The following SLC22A31 variants were observed in gnomAD, a reference collection of about 807,000 sequenced individuals.
SLC22A31 encodes the protein putative solute carrier family 22 member 31.
SLC22A31 carries 42 observed loss-of-function variants against 27.4 expected under a neutral mutation model. The observed-to-expected ratio is 1.53, with a 90% CI of 1.20 to 1.98. SLC22A31 has a LOEUF of 1.98. SLC22A31 is among the 30% of genes most tolerant of loss of function. The pLI is 0.00. For synonymous variants in SLC22A31, 290 were observed against 230.8 expected (o/e 1.26, Z -2.33); for missense variants, 593 against 479.9 (o/e 1.24, Z -2.20).
Position 89,197,046 on chromosome 16 carries a change from T to C in SLC22A31, c.1034+252A>G, listed in dbSNP as rs7188277. Among the ~76,000 whole-genome samples the C allele has an allele frequency of 0.18, 27,034 of 151,586 alleles. 2,828 individuals are homozygous for C. Among genetic ancestry groups the C allele is most frequent in the East Asian group, 0.53 (2,707 of 5,150 alleles). On this transcript the variant is annotated intron_variant, in intron 8 of 8. Transcript: ENST00000682282. ...CCTCATCTCTGCCCCCACCCCGCAC[T>C]CCTGGCTTCAGGCCTGCGTGGCCTT... is the stretch of plus-strand genomic sequence containing the variant.
In SLC22A31 at chr16:89,199,076, A is replaced by C; in HGVS notation, c.399T>G (p.Arg133=). The change falls in exon 4 of 9, where the codon CGT becomes CGG. Residue 133 remains arginine, a synonymous_variant. Coordinates refer to ENST00000682282, the MANE Select transcript of SLC22A31 (RefSeq NM_001384763.1). ...TCAGGGCACCCAGCCCCTGCAGAAG[A>C]CGCCAGTCCTGCACAAGCGCAGCCA... ...PGLAALVQDW[R]LLQGLGALMS... The C allele has an allele frequency of 1.3e-6, 2 of 1,535,602 alleles. No individual in the cohort carries two copies. The highest frequency in any genetic ancestry group is 8.7e-7 in the Non-Finnish European group (1 of 1,146,704).
Position 89,195,925 on chromosome 16 carries a change from A to G in SLC22A31, c.*74T>C, listed in dbSNP as rs1298211782. 1.4e-6 allele frequency: 2 copies of G among 1,404,258 alleles called. No homozygotes were observed. The highest frequency in any genetic ancestry group is 9.3e-7 in the Non-Finnish European group (1 of 1,071,152). 87.0% of individuals were successfully genotyped at this position (1,404,258 alleles called of 1,614,324 possible). ...GAGGAATGTGTCTGCCCTGGACCAG[A>G]CGTCTGGGGTACTCAGCCATGCCCC... On this transcript the variant is annotated 3_prime_UTR_variant, in exon 9 of 9. Transcript: ENST00000682282.
chr16:89,197,455 C>T (rs1916065002), intron 7 of SLC22A31, 46 bp from the exon 8 acceptor site: 1 of 1,361,126 alleles, frequency 7.3e-7, no homozygotes, highest in Non-Finnish European at 1.0e-6. Flanking sequence ...CCCAGGCCTT[C>T]CACCCTGGCC....
In SLC22A31 at chr16:89,198,289, G is replaced by A; in HGVS notation, c.755C>T (p.Pro252Leu). The A allele has an allele frequency of 2.6e-6, 4 of 1,535,956 alleles. No individual in the cohort carries two copies. The highest frequency in any genetic ancestry group is 1.2e-5 in the South Asian group (1 of 84,068). The change falls in exon 7 of 9, where the codon CCT (proline) becomes CTT (leucine). Residue 252 changes from proline to leucine, a missense_variant. Pro to Leu is a moderately conservative substitution (Grantham distance 98, BLOSUM62 -3). Transcript: ENST00000682282. ...GGGCAGGTAGAAGGTCGGCACCTGA[G>A]GTGCCAGGCTGCGGCGGAAGCTAGC... ...IRASFRRSLA[P>L]QVPTFYLPYF...
chr16:89,196,524 A>G, intron 8 of SLC22A31: 1 of 777,926 alleles, frequency 1.3e-6, no homozygotes, highest in Non-Finnish European at 2.0e-6. Flanking sequence ...GGGGACACAC[A>G]TGTGACTCCA....
Position 89,198,313 on chromosome 16 carries a change from GCTCTGATGC to G in SLC22A31, c.722_730del (p.Gly241_Arg243del). On this transcript the variant is annotated inframe_deletion, in exon 7 of 9. Coordinates refer to ENST00000682282, the MANE Select transcript of SLC22A31 (RefSeq NM_001384763.1). ...AGGTGCCAGGCTGCGGCGGAAGCTAGCTCTGATGCCTCCACCAACCAGCCTGGGAGAGAG... is the reference window on the plus strand; with the variant it reads ...AGGTGCCAGGCTGCGGCGGAAGCTAGCTCCACCAACCAGCCTGGGAGAGAG... 11 of 1,535,924 alleles carry G rather than the reference GCTCTGATGC, an allele frequency of 7.2e-6. No homozygotes were observed. Among genetic ancestry groups the G allele is most frequent in the Non-Finnish European group, 9.6e-6 (11 of 1,146,892 alleles).
At chr16:89,196,811 T>C (rs1379039374) in intron 8 of SLC22A31, among the ~76,000 whole-genome samples, 1 of 151,704 alleles carries the variant, frequency 6.6e-6, no homozygotes, top group Non-Finnish European at 1.5e-5. Context: ...TTGTGCGTGG[T>C]GGTGGGTGCC....
intron 5 of SLC22A31, 34 bp downstream of exon 5, chr16:89,198,618 C>T (rs1467808024): frequency 2.0e-6 from 3 of 1,528,976 alleles, no homozygotes; most frequent in East Asian, 4.9e-5. Flanking sequence ...TCCTCCAGTA[C>T]CTGAATCTCC....
rs747236324 is a variant in SLC22A31 at position 89,197,329 on chromosome 16, A to AGAGGCTGCTGAGTGCGGAC, written c.984_1002dup (p.Phe335ValfsTer69). 5 of 1,535,836 alleles carry AGAGGCTGCTGAGTGCGGAC rather than the reference A, an allele frequency of 3.3e-6. No homozygotes were observed. The South Asian group carries it at 5.9e-5, about 18-fold the overall frequency. The stretch of plus-strand genomic sequence containing the variant: ...ACCGTGGGGAAGACCTCGGCCGCGA[A>AGAGGCTGCTGAGTGCGGAC]GAGGCTGCTGAGTGCGGACACAGCC... On this transcript the variant is annotated frameshift_variant, in exon 8 of 9. Coordinates refer to ENST00000682282, the MANE Select transcript of SLC22A31 (RefSeq NM_001384763.1). LOFTEE classifies it low-confidence loss of function (END_TRUNC).
In SLC22A31 at chr16:89,195,775, T is replaced by G; in HGVS notation, c.*224A>C. ...AGGACGCCAAGTTCCACAGAAGCCT[T>G]TATCCTCCACACCTACTGGGTGTGG... On this transcript the variant is annotated 3_prime_UTR_variant, in exon 9 of 9. Coordinates refer to ENST00000682282, the MANE Select transcript of SLC22A31 (RefSeq NM_001384763.1). 2.1e-6 allele frequency: 1 copy of G among 480,028 alleles called. No homozygotes were observed. Among genetic ancestry groups the G allele is most frequent in the South Asian group, 4.5e-5 (1 of 22,260 alleles). The allele number at this position is 480,028 out of a possible 1,614,324, so 29.7% of individuals were successfully genotyped here.
chr16:89,200,246 A>C, intron 1 of SLC22A31: 1 of 156,514 alleles, frequency 6.4e-6, no homozygotes, highest in Non-Finnish European at 1.4e-5. Flanking sequence ...GGCCTAAGAA[A>C]TGAACCCCAG....
chr16:89,198,095 G>A (rs1481391807), intron 7 of SLC22A31, 27 bp downstream of exon 7: 9 of 1,532,612 alleles, frequency 5.9e-6, no homozygotes, highest in Non-Finnish European at 7.9e-6. Context: ...AATGGCTCCT[G>A]TATGGCCTGC....
At chr16:89,196,997 G>A (rs1028752147) in intron 8 of SLC22A31, among the ~76,000 whole-genome samples, 2 of 151,226 alleles carry the variant, frequency 1.3e-5, no homozygotes, top group Non-Finnish European at 2.9e-5. Context: ...CTTTCCCCGA[G>A]AATTCTGCCA....
intron 7 of SLC22A31, 79 bp downstream of exon 7, chr16:89,198,043 G>A (rs1916137164): frequency 6.8e-7 from 1 of 1,465,932 alleles, no homozygotes; most frequent in Non-Finnish European, 9.1e-7. Context: ...TCCCCTGTCG[G>A]CACTATGGCC....
chr16:89,195,885 G>A lies in SLC22A31; in HGVS notation c.*114C>T, dbSNP rs1184906625. Reference sequence around the variant, plus strand: ...GTCCCCACGGCTCCACCTGCACTGAGACACGGGCTTCTGAGAGGAATGTGT... The same window carrying A: ...GTCCCCACGGCTCCACCTGCACTGAAACACGGGCTTCTGAGAGGAATGTGT... On this transcript the variant is annotated 3_prime_UTR_variant, in exon 9 of 9. Coordinates refer to ENST00000682282, the MANE Select transcript of SLC22A31 (RefSeq NM_001384763.1). 1 of 1,254,200 alleles carries A rather than the reference G, an allele frequency of 8.0e-7. No individual in the cohort carries two copies. The highest frequency in any genetic ancestry group is 1.6e-5 in the South Asian group (1 of 62,394). The allele number at this position is 1,254,200 out of a possible 1,614,324, so 77.7% of individuals were successfully genotyped here.
At position 89,199,061 on chromosome 16, in the gene SLC22A31, C is replaced by A. The variant is rs899527618; in HGVS notation, c.414G>T (p.Leu138=). ...LVQDWRLLQG[L]GALMSGLLLL... is the part of the protein sequence containing the mutation. Reference sequence around the variant, plus strand: ...GCAAGAGTCCACTCATCAGGGCACCCAGCCCCTGCAGAAGACGCCAGTCCT... The same window carrying A: ...GCAAGAGTCCACTCATCAGGGCACCAAGCCCCTGCAGAAGACGCCAGTCCT... The change falls in exon 4 of 9, where the codon CTG becomes CTT. Residue 138 remains leucine (L), a synonymous_variant. Transcript: ENST00000682282. The A allele has an allele frequency of 6.5e-7, 1 of 1,535,598 alleles. No individual in the cohort carries two copies. The highest frequency in any genetic ancestry group is 1.2e-5 in the South Asian group (1 of 84,018).
rs1391068485 is a variant in SLC22A31, at chr16:89,199,156, A to C, written c.319T>G (p.Phe107Val). ...ELCDPPHRLA[F>V]SMGAGLFSVV... is the part of the protein sequence containing the mutation. ...GAGAAAAGGCCAGCCCCCATGGAGA[A>C]GGCCAGGCGGTGGGGAGGGTCACAC... is the stretch of plus-strand genomic sequence containing the variant. Residue 107 changes from phenylalanine to valine, a missense_variant, in exon 4 of 9, where the codon TTC becomes GTC. Physicochemically the swap from Phe to Val is conservative, Grantham distance 50. Coordinates refer to ENST00000682282, the MANE Select transcript of SLC22A31 (RefSeq NM_001384763.1). The C allele has an allele frequency of 1.3e-6, 2 of 1,532,372 alleles. No individual in the cohort carries two copies. Among genetic ancestry groups the C allele is most frequent in the South Asian group, 2.4e-5 (2 of 83,852 alleles). The allele number at this position is 1,532,372 out of a possible 1,614,324, so 94.9% of individuals were successfully genotyped here.
chr16:89,199,441 T>C lies in SLC22A31; in HGVS notation c.255A>G (p.Ala85=). 1 of 538,830 alleles carries C rather than the reference T, an allele frequency of 1.9e-6. No homozygotes were observed. Among genetic ancestry groups the C allele is most frequent in the Non-Finnish European group, 3.3e-6 (1 of 300,526 alleles). 33.4% of individuals were successfully genotyped at this position (538,830 alleles called of 1,614,324 possible). The change falls in exon 3 of 9, where the codon GCA becomes GCG. Residue 85 remains alanine (A), a synonymous_variant. Transcript: ENST00000682282. The part of the protein sequence containing the change: ...VLRLLHGGTL[A]GALLALYLAR... The stretch of plus-strand genomic sequence containing the variant: ...CCAGATACAGGGCGAGGAGGGCCCC[T>C]GCCAATGTGCCCCCGTGGAGTAGGC...
At position 89,198,211 on chromosome 16, in the gene SLC22A31, G is replaced by T; in HGVS notation, c.833C>A (p.Thr278Lys). The change falls in exon 7 of 9, where the codon ACG becomes AAG. Residue 278 changes from threonine to lysine, a missense_variant. Thr to Lys is a moderately conservative substitution (Grantham distance 78). Transcript: ENST00000682282. ...EAAALVFLLL[T>K]ADCCGRRPVL... ...GGGGCGGCGTCCACAGCAATCTGCC[G>T]TCAGGAGCAGGAAGACCAAGGCTGC... is the stretch of plus-strand genomic sequence containing the variant. The T allele has an allele frequency of 6.5e-7, 1 of 1,535,878 alleles. No individual in the cohort carries two copies. Among genetic ancestry groups the T allele is most frequent in the Non-Finnish European group, 8.7e-7 (1 of 1,146,874 alleles).
Sources: allele counts gnomAD v4.1 joint callset (sites outside exome capture counted in the v4.1 genomes callset), GRCh38; gene constraint gnomAD v4.1.1; transcripts MANE v1.5; gene names NCBI Gene and HGNC (gene_info 2026-07-23, HGNC 2026-07-21).